OTULINL: variants seen among roughly 807,000 people sequenced by gnomAD.
OTULINL encodes OTU deubiquitinase with linear linkage specificity like, also known as inactive ubiquitin thioesterase OTULINL.
A neutral mutation model predicts 43.9 loss-of-function variants in OTULINL; 42 were observed. That is an observed-to-expected ratio of 0.96 (90% confidence interval 0.75 to 1.24). The LOEUF (loss-of-function observed/expected upper bound fraction) is 1.24, where lower values mean the gene tolerates loss of function less well. Ranked by LOEUF, OTULINL falls within the 50% of genes most tolerant of loss-of-function variation. The pLI is 0.00. For missense variants in OTULINL, 411 were observed against 426.4 expected (o/e 0.96, Z 0.32); for synonymous variants, 172 against 153.6 (o/e 1.12, Z -0.88).
Position 14,610,246 on chromosome 5 carries a change from C to T in OTULINL, c.1003C>T (p.Leu335Phe), listed in dbSNP as rs779611960. 2 of 1,613,982 alleles carry T rather than the reference C, an allele frequency of 1.2e-6. No homozygotes were observed. Among genetic ancestry groups the T allele is most frequent in the East Asian group, 2.2e-5 (1 of 44,880 alleles). ...TGAAGTCTGCTACCCAGAGGAGCCTCTCAGGGACTGGCCGGAGATCTCCCT... is the reference window on the plus strand; with the variant it reads ...TGAAGTCTGCTACCCAGAGGAGCCTTTCAGGGACTGGCCGGAGATCTCCCT... ...DFEVCYPEEP[L>F]RDWPEISLLT... Residue 335 changes from leucine (L) to phenylalanine (F), a missense_variant, in exon 8 of 8, where the codon CTC (leucine) becomes TTC (phenylalanine). Transcript: ENST00000274217.
intron 1 of OTULINL, 127 bp downstream of exon 1, chr5:14,582,085 A>T: frequency 3.0e-6 from 2 of 668,632 alleles, no homozygotes; most frequent in Non-Finnish European, 4.1e-6. Flanking sequence ...GGGGGCTGGG[A>T]ATCCTGGAGC....
chr5:14,609,950 C>A (rs1356292689), intron 7 of OTULINL, among the ~76,000 whole-genome samples, 191 bp from the exon 8 acceptor site: 1 of 152,176 alleles, frequency 6.6e-6, no homozygotes, highest in Non-Finnish European at 1.5e-5. Context: ...CAGAGTTGTT[C>A]CTATGCTCGT....
chr5:14,595,252 G>A (rs768919742), intron 1 of OTULINL, among the ~76,000 whole-genome samples: 1 of 152,198 alleles, frequency 6.6e-6, no homozygotes, highest in African/African-American at 2.4e-5. Flanking sequence ...GAGAGAAAGT[G>A]TGGAGGTACT....
chr5:14,614,699 T>TGTTG lies in OTULINL; in HGVS notation c.*4387_*4390dup. On this transcript the variant is annotated 3_prime_UTR_variant, in exon 8 of 8. Coordinates refer to ENST00000274217, the MANE Select transcript of OTULINL (RefSeq NM_019018.3). ...CTCTGCACTTGAAGCTCATGGAATG[T>TGTTG]GTTGGAGGAGACTCAAGCTCCATGT... The TGTTG allele has an allele frequency of 2.5e-6, 1 of 398,638 alleles. No homozygotes were observed. Among genetic ancestry groups the TGTTG allele is most frequent in the East Asian group, 3.6e-5 (1 of 28,084 alleles). The allele number at this position is 398,638 out of a possible 1,614,324, so 24.7% of individuals were successfully genotyped here.
rs1406832108 is a variant in OTULINL at position 14,583,249 on chromosome 5, T to TTA, written c.64+1292_64+1293dup. On this transcript the variant is annotated intron_variant, in intron 1 of 7. Coordinates refer to ENST00000274217, the MANE Select transcript of OTULINL (RefSeq NM_019018.3). ...TCATCCATAAAATGAGAGCCTCCAGTTAGCTGATCCAGGCAGCCCCTCCCA... is the reference window on the plus strand; with the variant it reads ...TCATCCATAAAATGAGAGCCTCCAGTTATAGCTGATCCAGGCAGCCCCTCCCA... Among the ~76,000 whole-genome samples, 5 of 152,180 alleles carry TTA rather than the reference T, an allele frequency of 3.3e-5. 1 individual carries two copies. In the South Asian group the frequency reaches 1.0e-3, roughly 32 times the overall value.
intron 4 of OTULINL, 137 bp from the exon 5 acceptor site, chr5:14,602,046 C>T (rs924142092): frequency 3.7e-5 from 23 of 619,654 alleles, no homozygotes; most frequent in South Asian, 2.0e-4. Flanking sequence ...AAATTACATG[C>T]GGTCATATTC....
chr5:14,588,833 C>G (rs181484065), intron 1 of OTULINL, among the ~76,000 whole-genome samples: 1 of 152,336 alleles, frequency 6.6e-6, no homozygotes, highest in East Asian at 1.9e-4. Context: ...TTAACAAGCC[C>G]TTCTGAAAGT....
Position 14,616,075 on chromosome 5 carries a change from A to G in OTULINL, c.*5761A>G, listed in dbSNP as rs1759667604. 1.3e-5 allele frequency among the ~76,000 whole-genome samples: 2 copies of G among 152,230 alleles called. No individual in the cohort carries two copies. The highest frequency in any genetic ancestry group is 1.3e-4 in the Admixed American group (2 of 15,286). ...GTAGTTTTATAAATACGATAAAAAT[A>G]TAGCACCAAGATTAGATTGTTATAA... On this transcript the variant is annotated 3_prime_UTR_variant, in exon 8 of 8. Coordinates refer to ENST00000274217, the MANE Select transcript of OTULINL (RefSeq NM_019018.3).
At chr5:14,609,939 A>G (rs1759549581) in intron 7 of OTULINL, among the ~76,000 whole-genome samples, 1 of 152,184 alleles carries the variant, frequency 6.6e-6, no homozygotes, top group South Asian at 2.1e-4. Flanking sequence ...ATGCTAGTCT[A>G]CAGAGTTGTT....
chr5:14,613,160 G>A lies in OTULINL; in HGVS notation c.*2846G>A, dbSNP rs564709936. Among the ~76,000 whole-genome samples the A allele has an allele frequency of 2.6e-5, 4 of 152,280 alleles. No homozygotes were observed. Among genetic ancestry groups the A allele is most frequent in the East Asian group, 3.9e-4 (2 of 5,184 alleles). On this transcript the variant is annotated 3_prime_UTR_variant, in exon 8 of 8. Coordinates refer to ENST00000274217, the MANE Select transcript of OTULINL (RefSeq NM_019018.3). ...CTGATCTGAACTCCTGACCTTGGGC[G>A]ATCCGCCTACCTCGGCATCCCAAAG...
chr5:14,610,715 G>T lies in OTULINL; in HGVS notation c.*401G>T. The T allele has an allele frequency of 6.4e-6, 1 of 157,152 alleles. No homozygotes were observed. Among genetic ancestry groups the T allele is most frequent in the South Asian group, 1.9e-4 (1 of 5,254 alleles). 9.7% of individuals were successfully genotyped at this position (157,152 alleles called of 1,614,324 possible). On this transcript the variant is annotated 3_prime_UTR_variant, in exon 8 of 8. Coordinates refer to ENST00000274217, the MANE Select transcript of OTULINL (RefSeq NM_019018.3). ...TGTTCTTCATTAAAAATCTTATCTTGGACTGATTTGAGGGATTTTTAGAAA... is the reference window on the plus strand; with the variant it reads ...TGTTCTTCATTAAAAATCTTATCTTTGACTGATTTGAGGGATTTTTAGAAA...
intron 1 of OTULINL, among the ~76,000 whole-genome samples, chr5:14,598,737 A>C (rs974731110): frequency 6.6e-6 from 1 of 152,212 alleles, no homozygotes; most frequent in African/African-American, 2.4e-5. Flanking sequence ...CAATGCTTAC[A>C]TTTAGGACAG....
Position 14,596,625 on chromosome 5 carries a change from C to A in OTULINL, c.65-4340C>A, listed in dbSNP as rs1431740463. On this transcript the variant is annotated intron_variant, in intron 1 of 7. Transcript: ENST00000274217. ...TGAAGATTTCCTTGGTTCCCTAATT[C>A]AGAAGCAGGACAGCCAAGTGGTAAA... Among the ~76,000 whole-genome samples the A allele has an allele frequency of 2.6e-5, 4 of 150,976 alleles. No individual in the cohort carries two copies. The East Asian group carries it at 8.1e-4, about 31-fold the overall frequency.
Position 14,615,008 on chromosome 5 carries a change from T to C in OTULINL, c.*4694T>C. On this transcript the variant is annotated 3_prime_UTR_variant, in exon 8 of 8. Transcript: ENST00000274217. ...AATAAAGAAGTACATGTTTTAAGTA[T>C]TTTCATCGTAGTCTAGATGGGCTGT... The C allele has an allele frequency of 2.8e-6, 1 of 354,026 alleles. No homozygotes were observed. Among genetic ancestry groups the C allele is most frequent in the East Asian group, 4.2e-5 (1 of 23,932 alleles). The allele number at this position is 354,026 out of a possible 1,614,324, so 21.9% of individuals were successfully genotyped here. A position where few individuals can be genotyped will look rare whatever the true frequency, so the allele number is the denominator to read the frequency against.
chr5:14,588,289 A>G (rs949089679), intron 1 of OTULINL, among the ~76,000 whole-genome samples: 5 of 152,188 alleles, frequency 3.3e-5, no homozygotes, highest in Admixed American at 3.3e-4. Context: ...ATGGCAGTTA[A>G]TGGCCTGGCT....
In OTULINL at chr5:14,601,133, C is replaced by T. The variant is rs201191529; in HGVS notation, c.224+9C>T. 8.1e-6 allele frequency: 13 copies of T among 1,610,982 alleles called. No homozygotes were observed. In the African/African-American group the frequency reaches 1.5e-4, roughly 18 times the overall value. On this transcript the variant is annotated intron_variant, in intron 2 of 7. Transcript: ENST00000274217. ...GGGCACAAGCTGAAATGGTAGGTCACTGTATCATCCTTAAATTTCAAATGT... is the reference window on the plus strand; with the variant it reads ...GGGCACAAGCTGAAATGGTAGGTCATTGTATCATCCTTAAATTTCAAATGT...
Position 14,581,929 on chromosome 5 carries a change from AGCGGGAGCGGTCTGGCGCTCCC to A in OTULINL, c.38_59del (p.Arg13ProfsTer12), listed in dbSNP as rs1304309356. 4 of 1,399,810 alleles carry A rather than the reference AGCGGGAGCGGTCTGGCGCTCCC, an allele frequency of 2.9e-6. No individual in the cohort carries two copies. Among genetic ancestry groups the A allele is most frequent in the Non-Finnish European group, 3.7e-6 (4 of 1,077,348 alleles). The allele number at this position is 1,399,810 out of a possible 1,614,324, so 86.7% of individuals were successfully genotyped here. A position where few individuals can be genotyped will look rare whatever the true frequency, so the allele number is the denominator to read the frequency against. ...ACAAGGAGCCCCACGCGGGCAAGGG[AGCGGGAGCGGTCTGGCGCTCCC>A]GCCGCAGGTGAGCCTGGGGCCGGGC... On this transcript the variant is annotated frameshift_variant, in exon 1 of 8. Transcript: ENST00000274217. LOFTEE classifies it high-confidence loss of function.
intron 1 of OTULINL, among the ~76,000 whole-genome samples, chr5:14,590,546 A>G (rs79139577): frequency 1.1e-3 from 164 of 152,330 alleles, no homozygotes; most frequent in African/African-American, 3.6e-3. Flanking sequence ...AAGGTATATG[A>G]GTCCATGATA....
chr5:14,608,564 TCCACTGCAGTATA>T (rs1373181885), intron 6 of OTULINL, among the ~76,000 whole-genome samples, 171 bp from the exon 7 acceptor site: 1 of 152,130 alleles, frequency 6.6e-6, no homozygotes, highest in Non-Finnish European at 1.5e-5. Flanking sequence ...ACATGTTCAG[TCCACTGCAGTATA>T]CTTTTATGGT....
Sources: gnomAD v4.1 joint callset for allele counts (sites outside exome capture counted in the v4.1 genomes callset) on GRCh38, gnomAD v4.1.1 for gene constraint, MANE v1.5 for transcripts, NCBI Gene and HGNC (gene_info 2026-07-23, HGNC 2026-07-21) for gene names.